LMTK2: variants seen among roughly 807,000 people sequenced by gnomAD.
LMTK2 encodes the protein serine/threonine-protein kinase LMTK2.
In LMTK2, 37 loss-of-function variants were observed where a neutral mutation model predicts 127.5. That is an observed-to-expected ratio of 0.29 (90% CI 0.22 to 0.38). LMTK2 has a LOEUF of 0.38. LMTK2 is among the 10% of genes least tolerant of loss of function. The probability of loss-of-function intolerance (pLI) is 1.00; values close to 1 mark genes in which losing one functional copy is unlikely to be tolerated. For synonymous variants in LMTK2, 819 were observed against 810.1 expected, an observed-to-expected ratio of 1.01 and a Z score of -0.19; for missense variants, 1,694 against 1,920.3, an observed-to-expected ratio of 0.88 and a Z score of 2.20.
At chr7:98,109,106 G>A (rs529170850) in intron 1 of LMTK2, among the ~76,000 whole-genome samples, 12 of 152,054 alleles carry the variant, frequency 7.9e-5, no homozygotes, top group African/African-American at 2.7e-4. Flanking sequence ...TGATTCACCC[G>A]CCTCAGCCTC....
chr7:98,126,859 C>T (rs1200512265), intron 1 of LMTK2: 1 of 152,204 alleles, frequency 6.6e-6, no homozygotes, highest in African/African-American at 2.4e-5. Flanking sequence ...GAACTCTTCC[C>T]TGTCTGTGAT....
chr7:98,193,579 G>A lies in LMTK2; in HGVS notation c.3114G>A (p.Glu1038=), dbSNP rs1296062072. 2 of 1,614,140 alleles carry A rather than the reference G, an allele frequency of 1.2e-6. No individual in the cohort carries two copies. The highest frequency in any genetic ancestry group is 4.5e-5 in the East Asian group (2 of 44,876). The change falls in exon 11 of 14, where the codon GAG becomes GAA. Residue 1038 remains glutamate, a synonymous_variant. Transcript: ENST00000297293. The surrounding 1 kb of genome is among the most constrained non-coding windows in gnomAD (Gnocchi z 4.1). Reference sequence around the variant, plus strand: ...GTGGCTACGAAACAGAGAACTTGGAGTCTCCCGAGTGGACCTTGCATCCCG... The same window carrying A: ...GTGGCTACGAAACAGAGAACTTGGAATCTCCCGAGTGGACCTTGCATCCCG... ...ADSGYETENL[E]SPEWTLHPAP...
chr7:98,202,591 C>G (rs1461292474), intron 11 of LMTK2, among the ~76,000 whole-genome samples: 2 of 152,172 alleles, frequency 1.3e-5, no homozygotes, highest in African/African-American at 4.8e-5. Context: ...TGGGTGCAGG[C>G]CACAAGCTCC....
At chr7:98,119,468 A>T (rs1584244588) in intron 1 of LMTK2, among the ~76,000 whole-genome samples, 1 of 152,266 alleles carries the variant, frequency 6.6e-6, no homozygotes, top group East Asian at 1.9e-4. Flanking sequence ...GAATTCAAGC[A>T]CTCCGGGGCA....
intron 12 of LMTK2, 104 bp from the exon 13 acceptor site, chr7:98,203,840 G>A (rs1480295377): frequency 6.3e-6 from 10 of 1,575,502 alleles, no homozygotes; most frequent in Non-Finnish European, 8.7e-6. Flanking sequence ...TGCCAGCCGG[G>A]CCGGGCTGTG....
At position 98,122,477 on chromosome 7, in the gene LMTK2, G is replaced by A. The variant is rs114461993; in HGVS notation, c.104-14838G>A. On this transcript the variant is annotated intron_variant, in intron 1 of 13. Coordinates refer to ENST00000297293, the MANE Select transcript of LMTK2 (RefSeq NM_014916.4). ...GTCACGGACAGGTATTTTAAAAAGCGTGTGGAACAGTCAACAAATGTCATT... is the reference window on the plus strand; with the variant it reads ...GTCACGGACAGGTATTTTAAAAAGCATGTGGAACAGTCAACAAATGTCATT... Among the ~76,000 whole-genome samples the A allele has an allele frequency of 2.1e-3, 320 of 152,182 alleles. 3 individuals are homozygous for A. Among genetic ancestry groups the A allele is most frequent in the African/African-American group, 7.4e-3 (306 of 41,504 alleles).
intron 6 of LMTK2, among the ~76,000 whole-genome samples, chr7:98,170,564 C>T (rs755068396): frequency 4.0e-5 from 6 of 151,576 alleles, no homozygotes; most frequent in East Asian, 1.9e-4. Flanking sequence ...TCCCGCTCCC[C>T]GCCTCCAGCC....
chr7:98,193,843 C>A lies in LMTK2; in HGVS notation c.3378C>A (p.Ser1126=), dbSNP rs200492045. ...RSEEVPGTSP[S]ALVLVQEQPL... is the part of the protein sequence containing the mutation. ...AGGAGGTCCCGGGAACCTCCCCATC[C>A]GCCTTGGTGTTGGTACAGGAGCAGC... The change falls in exon 11 of 14, where the codon TCC becomes TCA. Residue 1126 remains serine (S), a synonymous_variant. Coordinates refer to ENST00000297293, the MANE Select transcript of LMTK2 (RefSeq NM_014916.4). The surrounding 1 kb of genome is among the most constrained non-coding windows in gnomAD (Gnocchi z 4.1). 1.1e-5 allele frequency: 18 copies of A among 1,613,962 alleles called. No homozygotes were observed. In the South Asian group the frequency reaches 2.0e-4, roughly 18 times the overall value.
chr7:98,190,633 C>A (rs993379520), intron 9 of LMTK2, 95 bp from the exon 10 acceptor site: 4 of 1,134,864 alleles, frequency 3.5e-6, no homozygotes, highest in Non-Finnish European at 4.0e-6. Flanking sequence ...CAATACACAC[C>A]TTGTCCTTAA....
intron 8 of LMTK2, among the ~76,000 whole-genome samples, chr7:98,185,627 C>T (rs1437363009): frequency 1.3e-5 from 2 of 152,034 alleles, no homozygotes; most frequent in East Asian, 3.9e-4. Context: ...TGTGTAGCCC[C>T]AGTGAATGAG....
intron 11 of LMTK2, 32 bp from the exon 12 acceptor site, chr7:98,203,542 T>G (rs1451229095): frequency 1.3e-6 from 2 of 1,570,204 alleles, no homozygotes; most frequent in Non-Finnish European, 1.7e-6. Context: ...GAGCAGGCCT[T>G]TGCTGACAGG....
At chr7:98,135,099 G>A (rs748282101) in intron 1 of LMTK2, among the ~76,000 whole-genome samples, 2 of 152,132 alleles carry the variant, frequency 1.3e-5, no homozygotes, top group African/African-American at 4.8e-5. Flanking sequence ...ACTTAGTTCT[G>A]TTTGCAGTTC....
chr7:98,172,254 G>A (rs1192258149), intron 7 of LMTK2, among the ~76,000 whole-genome samples: 4 of 152,016 alleles, frequency 2.6e-5, no homozygotes, highest in African/African-American at 9.6e-5. Context: ...GATCTGTGTA[G>A]CACATTTCTG....
chr7:98,122,005 G>A (rs530588837), intron 1 of LMTK2, among the ~76,000 whole-genome samples: 124 of 151,910 alleles, frequency 8.2e-4, no homozygotes, highest in African/African-American at 2.7e-3. Flanking sequence ...CCGTGTCTCG[G>A]GTTAAAAAAA....
At chr7:98,151,087 A>G (rs914279087) in intron 3 of LMTK2, among the ~76,000 whole-genome samples, 8 of 152,238 alleles carry the variant, frequency 5.3e-5, no homozygotes, top group African/African-American at 1.7e-4. Flanking sequence ...AAGAGAGATG[A>G]AAATGAAGAC....
chr7:98,153,331 A>C (rs962343743), intron 4 of LMTK2, among the ~76,000 whole-genome samples: 1 of 152,176 alleles, frequency 6.6e-6, no homozygotes, highest in African/African-American at 2.4e-5. Context: ...AGCAGTGAGG[A>C]GGGAGAAGCC....
rs1194339594 is a variant in LMTK2, at chr7:98,208,503, G to C, written c.*3011G>C. On this transcript the variant is annotated 3_prime_UTR_variant, in exon 14 of 14. Transcript: ENST00000297293. ...ATCAGTGGCATTCTCTAGATAATGT[G>C]GGGGAAGGTTAGAATATTTTCTGGC... 6.6e-6 allele frequency: 1 copy of C among 152,198 alleles called. No homozygotes were observed. The highest frequency in any genetic ancestry group is 1.5e-5 in the Non-Finnish European group (1 of 68,028). 9.4% of individuals were successfully genotyped at this position (152,198 alleles called of 1,614,324 possible). A position where few individuals can be genotyped will look rare whatever the true frequency, so the allele number is the denominator to read the frequency against.
intron 5 of LMTK2, among the ~76,000 whole-genome samples, chr7:98,155,315 T>A (rs1171355431): frequency 2.0e-5 from 3 of 152,060 alleles, no homozygotes; most frequent in Non-Finnish European, 4.4e-5. Flanking sequence ...TAACAAAAGA[T>A]CCAGCATTAT....
At chr7:98,166,034 A>G (rs957615081) in intron 6 of LMTK2, among the ~76,000 whole-genome samples, 2 of 152,202 alleles carry the variant, frequency 1.3e-5, no homozygotes, top group Non-Finnish European at 2.9e-5. Flanking sequence ...GGCCCTGCCA[A>G]TGGCCTTGGC....
Sources: allele counts gnomAD v4.1 joint callset (sites outside exome capture counted in the v4.1 genomes callset), GRCh38; gene constraint gnomAD v4.1.1; non-coding constraint Gnocchi (gnomAD v3.1); transcripts MANE v1.5; gene names NCBI Gene and HGNC (gene_info 2026-07-23, HGNC 2026-07-21).